Variants in SHROOM3 observed in about 807,000 individuals in gnomAD.
SHROOM3 encodes protein Shroom3.
Under a neutral mutation model 138.6 loss-of-function variants are expected in SHROOM3, and 47 were observed. The observed-to-expected ratio is 0.34, with a 90% CI of 0.27 to 0.43. The LOEUF is 0.43. Among genes scored for constraint, SHROOM3 ranks in the 20% least tolerant of loss-of-function variants. SHROOM3 has a pLI of 1.00. For synonymous variants in SHROOM3, 1,062 were observed against 1,063.3 expected (o/e 1.00, Z 0.02); for missense variants, 2,491 against 2,596.5 (o/e 0.96, Z 0.88).
At chr4:76,472,724 TC>T (rs2109982935) in intron 1 of SHROOM3, among the ~76,000 whole-genome samples, 1 of 151,686 alleles carries the variant, frequency 6.6e-6, no homozygotes, top group East Asian at 1.9e-4. Flanking sequence ...GATAAGAGTC[TC>T]CCTCTGTCGC....
intron 1 of SHROOM3, among the ~76,000 whole-genome samples, chr4:76,523,666 T>A (rs1022918222): frequency 2.6e-5 from 4 of 152,162 alleles, no homozygotes; most frequent in Admixed American, 6.5e-5. Flanking sequence ...TGCCTCATGA[T>A]GATAGCACTG....
intron 2 of SHROOM3, among the ~76,000 whole-genome samples, chr4:76,673,735 G>A (rs768163897): frequency 5.3e-5 from 8 of 152,078 alleles, no homozygotes; most frequent in South Asian, 4.1e-4. Flanking sequence ...ACTTATAAGC[G>A]TGCAATTCAG....
At chr4:76,608,584 GCA>G (rs1560563166) in intron 2 of SHROOM3, among the ~76,000 whole-genome samples, 1 of 150,388 alleles carries the variant, frequency 6.6e-6, no homozygotes, top group Admixed American at 6.6e-5. Context: ...GCATAGCATA[GCA>G]TAGCATAGCA....
intron 2 of SHROOM3, among the ~76,000 whole-genome samples, chr4:76,643,906 A>G (rs34044412): frequency 0.34 from 51,942 of 151,790 alleles, 9,168 homozygotes; most frequent in East Asian, 0.51. Flanking sequence ...GCGTAATGGC[A>G]CGTTCTCAGC....
intron 3 of SHROOM3, among the ~76,000 whole-genome samples, chr4:76,715,183 G>GTATA (rs76006617): frequency 6.6e-6 from 1 of 151,978 alleles, no homozygotes; most frequent in Non-Finnish European, 1.5e-5. Context: ...TGAGTAACAG[G>GTATA]TATATATATA....
chr4:76,585,050 C>G (rs1302957941), intron 2 of SHROOM3, among the ~76,000 whole-genome samples: 1 of 152,126 alleles, frequency 6.6e-6, no homozygotes, highest in Admixed American at 6.5e-5. Flanking sequence ...GACAGACATT[C>G]TAGTTAAAAC....
intron 2 of SHROOM3, among the ~76,000 whole-genome samples, chr4:76,577,977 T>A (rs1733974115): frequency 6.6e-6 from 1 of 152,230 alleles, no homozygotes; most frequent in African/African-American, 2.4e-5. Context: ...TGTTTTTTTT[T>A]AAGTACCTAG....
chr4:76,671,194 G>T (rs1291363166), intron 2 of SHROOM3, among the ~76,000 whole-genome samples: 2 of 152,130 alleles, frequency 1.3e-5, no homozygotes, highest in African/African-American at 2.4e-5. Flanking sequence ...CTTACATATT[G>T]GCAATAGAGG....
intron 2 of SHROOM3, among the ~76,000 whole-genome samples, chr4:76,595,920 C>A (rs996130964): frequency 1.3e-5 from 2 of 152,180 alleles, no homozygotes; most frequent in African/African-American, 4.8e-5. Context: ...TAAGAGGAGG[C>A]AGAACTCTTG....
At chr4:76,589,646 T>C (rs905125678) in intron 2 of SHROOM3, among the ~76,000 whole-genome samples, 1 of 152,152 alleles carries the variant, frequency 6.6e-6, no homozygotes, top group Non-Finnish European at 1.5e-5. Context: ...CAAAGCTCCC[T>C]AGTAAGCAGT....
intron 2 of SHROOM3, among the ~76,000 whole-genome samples, chr4:76,576,535 T>A (rs1443079006): frequency 1.3e-5 from 2 of 152,142 alleles, no homozygotes; most frequent in Non-Finnish European, 2.9e-5. Flanking sequence ...GAGGTAGGGA[T>A]GGTTAATGCA....
chr4:76,621,530 G>T (rs1735007292), intron 2 of SHROOM3, among the ~76,000 whole-genome samples: 1 of 152,208 alleles, frequency 6.6e-6, no homozygotes, highest in Non-Finnish European at 1.5e-5. Context: ...GGTGAAGCTT[G>T]ATTTTCTCAC....
chr4:76,741,189 G>A lies in SHROOM3; in HGVS notation c.3016G>A (p.Gly1006Ser), dbSNP rs1035323236. Reference sequence around the variant, plus strand: ...GCCCGTGCCCCCTGCCGCCCGGAGAGGTGCTCGCCGGCGCCTGACTCCCGA... The same window carrying A: ...GCCCGTGCCCCCTGCCGCCCGGAGAAGTGCTCGCCGGCGCCTGACTCCCGA... ...ARPVPPAARR[G>S]ARRRLTPEQK... The change falls in exon 5 of 11, where the codon GGT (glycine) becomes AGT (serine). Residue 1006 changes from glycine to serine, a missense_variant. Gly to Ser is a moderately conservative substitution (Grantham distance 56). Coordinates refer to ENST00000296043, the MANE Select transcript of SHROOM3 (RefSeq NM_020859.4). The surrounding 1 kb of genome is among the most constrained non-coding windows in gnomAD (Gnocchi z 6.2). 1.9e-6 allele frequency: 3 copies of A among 1,596,802 alleles called. No homozygotes were observed. In the Admixed American group the frequency reaches 5.2e-5, roughly 28 times the overall value.
intron 2 of SHROOM3, among the ~76,000 whole-genome samples, chr4:76,576,753 C>T (rs1401820843): frequency 2.0e-5 from 3 of 151,846 alleles, no homozygotes; most frequent in Non-Finnish European, 4.4e-5. Context: ...AAACATCTCA[C>T]GTACCCCATA....
intron 2 of SHROOM3, among the ~76,000 whole-genome samples, chr4:76,677,536 C>A (rs1257300946): frequency 2.0e-5 from 3 of 152,172 alleles, no homozygotes; most frequent in Non-Finnish European, 1.5e-5. Context: ...GCACAAAATA[C>A]ATGGTGGCTG....
chr4:76,483,260 G>A (rs913828365), intron 1 of SHROOM3, among the ~76,000 whole-genome samples: 16 of 152,088 alleles, frequency 1.1e-4, no homozygotes, highest in Admixed American at 2.0e-4. Context: ...ATCTGACAAA[G>A]GGTTAATATC....
intron 3 of SHROOM3, among the ~76,000 whole-genome samples, chr4:76,728,421 A>G (rs962815904): frequency 6.6e-5 from 10 of 152,180 alleles, no homozygotes; most frequent in Non-Finnish European, 1.3e-4. Context: ...GCCTGCTTCC[A>G]TCCATGTAAG....
chr4:76,670,435 GT>G (rs1718845330), intron 2 of SHROOM3, among the ~76,000 whole-genome samples: 1 of 152,144 alleles, frequency 6.6e-6, no homozygotes, highest in Non-Finnish European at 1.5e-5. Flanking sequence ...GGGTTAGGGG[GT>G]GGGAGCAGGG....
intron 2 of SHROOM3, among the ~76,000 whole-genome samples, chr4:76,681,435 G>C (rs1027990710): frequency 5.3e-5 from 8 of 151,912 alleles, no homozygotes; most frequent in African/African-American, 1.9e-4. Context: ...ATAATTAAGG[G>C]AGAAATGTTA....
Sources: allele counts gnomAD v4.1 joint callset (sites outside exome capture counted in the v4.1 genomes callset), GRCh38; gene constraint gnomAD v4.1.1; non-coding constraint Gnocchi (gnomAD v3.1); transcripts MANE v1.5; gene names NCBI Gene and HGNC (gene_info 2026-07-23, HGNC 2026-07-21).